The following CNOT3 variants were observed in gnomAD, a reference collection of about 807,000 sequenced individuals.
CNOT3 encodes the protein CCR4-associated factor 3.
CNOT3 carries 2 observed loss-of-function variants against 89.4 expected under a neutral mutation model. That is an observed-to-expected ratio of 0.02 (90% CI 0.01 to 0.07). CNOT3 has a LOEUF of 0.07. Among genes scored for constraint, CNOT3 ranks in the 10% least tolerant of loss-of-function variants. The pLI, the probability that CNOT3 is intolerant of heterozygous loss-of-function variation, is 1.00. For missense variants in CNOT3, 664 were observed against 1,010.2 expected (o/e 0.66, Z 4.65); for synonymous variants, 486 against 402.0 (o/e 1.21, Z -2.50).
chr19:54,146,558 C>A, intron 9 of CNOT3, 43 bp from the exon 10 acceptor site: 1 of 965,550 alleles, frequency 1.0e-6, no homozygotes, highest in Non-Finnish European at 1.7e-6. Flanking sequence ...CCATCAGAGC[C>A]CCAGAGGTCA....
In CNOT3 at chr19:54,148,438, TAGCGGA is replaced by T. The variant is rs2074816016; in HGVS notation, c.1186_1191del (p.Ser396_Gly397del). On this transcript the variant is annotated inframe_deletion, in exon 11 of 18. Transcript: ENST00000221232. This position sits in a 1 kb window ranked among gnomAD's most constrained non-coding sequence, Gnocchi z 6.3. ...AGCCCCGGCCCCCCAGCGTCCAGCC[TAGCGGA>T]GGCGGAGGCGGCGGCAGCGGAGGCG... 4 of 1,569,328 alleles carry T rather than the reference TAGCGGA, an allele frequency of 2.5e-6. No individual in the cohort carries two copies. Among genetic ancestry groups the T allele is most frequent in the South Asian group, 1.2e-5 (1 of 83,208 alleles).
chr19:54,155,586 G>A lies in CNOT3; in HGVS notation c.*179G>A, dbSNP rs2075360917. 9.5e-6 allele frequency: 10 copies of A among 1,047,128 alleles called. No homozygotes were observed. The East Asian group carries it at 1.0e-4, about 11-fold the overall frequency. 64.9% of individuals were successfully genotyped at this position (1,047,128 alleles called of 1,614,324 possible). A position where few individuals can be genotyped will look rare whatever the true frequency, so the allele number is the denominator to read the frequency against. ...AGCCCCACCCTGGGGGCCCGGGGGC[G>A]AGGGCTGCCCCCTCCTCCCCTCCCC... On this transcript the variant is annotated 3_prime_UTR_variant, in exon 18 of 18. Transcript: ENST00000221232.
Position 54,146,636 on chromosome 19 carries a change from C to G in CNOT3, c.873C>G (p.Ser291=), listed in dbSNP as rs2074686492. The G allele has an allele frequency of 6.4e-7, 1 of 1,570,724 alleles. No homozygotes were observed. The part of the protein sequence containing the change: ...NSEDDKKRGR[S]TDSEVSQSPA... ...AAGATGATAAGAAGAGGGGACGTTC[C>G]ACAGACAGTGAAGTCAGCCAGGTGG... Residue 291 remains serine (S), a synonymous_variant, in exon 10 of 18, where the codon TCC becomes TCG. Transcript: ENST00000221232.
intron 13 of CNOT3, among the ~76,000 whole-genome samples, chr19:54,150,607 TGTCCAGGAGGCAGTGTGCGC>T: frequency 6.6e-6 from 1 of 151,538 alleles, no homozygotes; most frequent in Non-Finnish European, 1.5e-5. Context: ...GCGCCCAGGC[TGTCCAGGAGGCAGTGTGCGC>T]GCCCAGGCTG....
At chr19:54,139,426 C>A (rs1032396817) in intron 1 of CNOT3, among the ~76,000 whole-genome samples, 7 of 152,114 alleles carry the variant, frequency 4.6e-5, no homozygotes, top group African/African-American at 1.7e-4. Context: ...GCTGCTGGTA[C>A]CCCATGAGAG....
intron 17 of CNOT3, 72 bp downstream of exon 17, chr19:54,153,912 C>A: frequency 6.3e-7 from 1 of 1,592,568 alleles, no homozygotes; most frequent in Non-Finnish European, 8.6e-7. Context: ...GCAGCCCCTG[C>A]TGGCCTCTGC....
rs1275598843 is a variant in CNOT3, at chr19:54,145,852, G to C, written c.703+35G>C. The C allele has an allele frequency of 6.2e-7, 1 of 1,609,320 alleles. No homozygotes were observed. The highest frequency in any genetic ancestry group is 1.7e-5 in the Admixed American group (1 of 59,924). On this transcript the variant is annotated intron_variant, in intron 8 of 17. Coordinates refer to ENST00000221232, the MANE Select transcript of CNOT3 (RefSeq NM_014516.4). This position sits in a 1 kb window ranked among gnomAD's most constrained non-coding sequence, Gnocchi z 5.9. ...TGGGGCTGATCGTGGCACAGGAAGT[G>C]AGGGCCCAGAATGGGCTGTGTGAGC...
At chr19:54,153,165 C>T (rs528187814) in intron 16 of CNOT3, 166 bp downstream of exon 16, 83 of 768,150 alleles carry the variant, frequency 1.1e-4, no homozygotes, top group African/African-American at 5.2e-4. Context: ...CACCTGTCCC[C>T]GTCCCCGCCT....
At chr19:54,143,031 G>GT in intron 2 of CNOT3, 28 bp downstream of exon 2, 1 of 1,613,906 alleles carries the variant, frequency 6.2e-7, no homozygotes, top group Non-Finnish European at 8.5e-7. Flanking sequence ...TGCTGCACCT[G>GT]TAGCCACATG....
intron 10 of CNOT3, among the ~76,000 whole-genome samples, chr19:54,146,929 C>T (rs1195335136): frequency 6.6e-6 from 1 of 152,148 alleles, no homozygotes; most frequent in Non-Finnish European, 1.5e-5. Context: ...GGTGAGTTTG[C>T]CTGGCAGGGA....
rs993144013 is a variant in CNOT3 at position 54,143,260 on chromosome 19, G to A, written c.93+74G>A. The A allele has an allele frequency of 3.6e-6, 5 of 1,387,978 alleles. No homozygotes were observed. The Admixed American group carries it at 5.0e-5, about 14-fold the overall frequency. The allele number at this position is 1,387,978 out of a possible 1,614,324, so 86.0% of individuals were successfully genotyped here. On this transcript the variant is annotated intron_variant, in intron 3 of 17. Coordinates refer to ENST00000221232, the MANE Select transcript of CNOT3 (RefSeq NM_014516.4). ...CAGGAAGGCGGCTCAGGACCTCTGG[G>A]TGTTGACCAGCGGGAGGGGCTACAT...
At chr19:54,141,560 G>C (rs1568628220) in intron 1 of CNOT3, 2 of 152,230 alleles carry the variant, frequency 1.3e-5, no homozygotes, top group African/African-American at 4.8e-5. Context: ...CAGATGTTCA[G>C]TGGCCAACAG....
At chr19:54,153,680 C>T in intron 16 of CNOT3, 35 bp from the exon 17 acceptor site, 1 of 1,589,878 alleles carries the variant, frequency 6.3e-7, no homozygotes, top group South Asian at 1.1e-5. Flanking sequence ...AGTTTGGGGG[C>T]CCCCTGATCC....
At chr19:54,143,573 G>A (rs2074544134) in intron 4 of CNOT3, 57 bp downstream of exon 4, 2 of 1,606,210 alleles carry the variant, frequency 1.2e-6, no homozygotes, top group Non-Finnish European at 1.7e-6. Context: ...AACTGGGAGA[G>A]TGGACTGCTG....
intron 1 of CNOT3, among the ~76,000 whole-genome samples, chr19:54,140,664 C>G (rs1309751580): frequency 1.3e-5 from 2 of 152,134 alleles, no homozygotes; most frequent in African/African-American, 4.8e-5. Flanking sequence ...GGCACTTGCC[C>G]CTTCTCTGTG....
chr19:54,151,232 G>A (rs2075084314), intron 13 of CNOT3, among the ~76,000 whole-genome samples: 1 of 152,186 alleles, frequency 6.6e-6, no homozygotes, highest in Non-Finnish European at 1.5e-5. Context: ...GGGGTGGGTG[G>A]TCGGGAACCA....
chr19:54,155,475 G>T lies in CNOT3; in HGVS notation c.*68G>T. 3 of 1,124,462 alleles carry T rather than the reference G, an allele frequency of 2.7e-6. No individual in the cohort carries two copies. Among genetic ancestry groups the T allele is most frequent in the Non-Finnish European group, 3.8e-6 (3 of 781,144 alleles). The allele number at this position is 1,124,462 out of a possible 1,614,324, so 69.7% of individuals were successfully genotyped here. A position where few individuals can be genotyped will look rare whatever the true frequency, so the allele number is the denominator to read the frequency against. ...ATCCCCCTGCCCAGGTGAGGGCCCT[G>T]CCCTGGAAGACTGGAGGGAGGCCCC... On this transcript the variant is annotated 3_prime_UTR_variant, in exon 18 of 18. Coordinates refer to ENST00000221232, the MANE Select transcript of CNOT3 (RefSeq NM_014516.4).
At chr19:54,149,411 C>G in intron 12 of CNOT3, 149 bp from the exon 13 acceptor site, 1 of 512,452 alleles carries the variant, frequency 2.0e-6, no homozygotes, top group Non-Finnish European at 3.4e-6. Flanking sequence ...CCCAGAGAAC[C>G]ACTTCTTTCT....
intron 17 of CNOT3, 86 bp from the exon 18 acceptor site, chr19:54,155,223 A>G: frequency 1.3e-6 from 2 of 1,552,488 alleles, no homozygotes; most frequent in African/African-American, 2.7e-5. Flanking sequence ...CCACAGCCCT[A>G]AGAATTGTCC....
Sources: allele counts gnomAD v4.1 joint callset (sites outside exome capture counted in the v4.1 genomes callset), GRCh38; gene constraint gnomAD v4.1.1; non-coding constraint Gnocchi (gnomAD v3.1); transcripts MANE v1.5; gene names NCBI Gene and HGNC (gene_info 2026-07-23, HGNC 2026-07-21).